Variants in KCNMA1 observed in about 807,000 individuals in gnomAD.
KCNMA1 encodes the protein potassium calcium-activated channel subfamily M alpha 1.
Under a neutral mutation model 140.0 loss-of-function variants are expected in KCNMA1, and 29 were observed. The observed-to-expected ratio is 0.21, with a 90% CI of 0.15 to 0.28. KCNMA1 has a LOEUF of 0.28. Ranked by LOEUF, KCNMA1 falls within the 10% of genes least tolerant of loss-of-function variation. The pLI, the probability that KCNMA1 is intolerant of heterozygous loss-of-function variation, is 1.00. For synonymous variants in KCNMA1, 612 were observed against 611.9 expected (o/e 1.00, Z 0.00); for missense variants, 880 against 1,602.2 (o/e 0.55, Z 7.70).
chr10:77,362,365 C>CCACA (rs138917552), intron 2 of KCNMA1, among the ~76,000 whole-genome samples: 18,565 of 118,844 alleles, frequency 0.16, 1,600 homozygotes, highest in East Asian at 0.3. Flanking sequence ...CCCCCCCACC[C>CCACA]CACACACACA....
At position 77,137,407 on chromosome 10, in the gene KCNMA1, A is replaced by G. The variant is rs149121650; in HGVS notation, c.809-16359T>C. On this transcript the variant is annotated intron_variant, in intron 5 of 27. Coordinates refer to ENST00000286628, the MANE Select transcript of KCNMA1 (RefSeq NM_001161352.2). ...AGAGCAATTATTTTTGTGGTGTCTG[A>G]CAAGGTCATTGTTATCTGGCCTTGC... is the stretch of plus-strand genomic sequence containing the variant. 3.9e-5 allele frequency among the ~76,000 whole-genome samples: 6 copies of G among 152,316 alleles called. No individual in the cohort carries two copies. The East Asian group carries it at 1.2e-3, about 29-fold the overall frequency.
At chr10:76,923,469 G>C (rs574629151) in intron 23 of KCNMA1, among the ~76,000 whole-genome samples, 1 of 151,960 alleles carries the variant, frequency 6.6e-6, no homozygotes, top group South Asian at 2.1e-4. Flanking sequence ...CGCTTAAAGA[G>C]CTTACTGTGT....
intron 25 of KCNMA1, chr10:76,903,517 C>T (rs2046461795): frequency 6.6e-6 from 1 of 152,126 alleles, no homozygotes; most frequent in African/African-American, 2.4e-5. Flanking sequence ...CAGCAGTGGT[C>T]TGTCCTGAGT....
chr10:76,930,908 G>C (rs2059112719), intron 23 of KCNMA1, among the ~76,000 whole-genome samples: 1 of 152,142 alleles, frequency 6.6e-6, no homozygotes, highest in South Asian at 2.1e-4. Context: ...AATACTGTAT[G>C]ATCTCACTTA....
intron 5 of KCNMA1, among the ~76,000 whole-genome samples, chr10:77,156,212 A>G (rs893261639): frequency 7.0e-6 from 1 of 142,380 alleles, no homozygotes; most frequent in Non-Finnish European, 1.5e-5. Context: ...TGGGTGACAG[A>G]GCGAGACTCC....
intron 20 of KCNMA1, among the ~76,000 whole-genome samples, chr10:76,958,982 AG>A (rs1326043828): frequency 1.3e-5 from 2 of 152,006 alleles, no homozygotes; most frequent in East Asian, 1.9e-4. Flanking sequence ...TGTCCATTTA[AG>A]GGGGGGAAAA....
chr10:77,328,195 C>T (rs143564353), intron 2 of KCNMA1, among the ~76,000 whole-genome samples: 44 of 152,292 alleles, frequency 2.9e-4, no homozygotes, highest in Admixed American at 1.4e-3. Flanking sequence ...CAGTACTTGG[C>T]GCACAGTAAG....
chr10:76,969,406 T>G (rs2075332579), intron 20 of KCNMA1, among the ~76,000 whole-genome samples: 1 of 152,208 alleles, frequency 6.6e-6, no homozygotes, highest in African/African-American at 2.4e-5. Flanking sequence ...AGAACTGGAT[T>G]ACTTTTGAAC....
At chr10:76,923,850 A>G (rs1042447600) in intron 23 of KCNMA1, among the ~76,000 whole-genome samples, 1 of 151,902 alleles carries the variant, frequency 6.6e-6, no homozygotes, top group Non-Finnish European at 1.5e-5. Flanking sequence ...AACAAACACA[A>G]AAAAATTAGC....
chr10:77,489,977 C>T (rs1312972491), intron 1 of KCNMA1, among the ~76,000 whole-genome samples: 1 of 152,202 alleles, frequency 6.6e-6, no homozygotes, highest in Non-Finnish European at 1.5e-5. Flanking sequence ...AGTTTCTCAA[C>T]CCCGGCACTG....
chr10:77,460,819 T>A (rs2097852944), intron 1 of KCNMA1, among the ~76,000 whole-genome samples: 2 of 152,022 alleles, frequency 1.3e-5, no homozygotes, highest in Non-Finnish European at 2.9e-5. Context: ...AAAAATTACC[T>A]ATTGGGCTGG....
intron 18 of KCNMA1, among the ~76,000 whole-genome samples, chr10:77,002,574 A>G (rs1211821375): frequency 6.6e-6 from 1 of 152,232 alleles, no homozygotes; most frequent in Non-Finnish European, 1.5e-5. Context: ...TGCAATTTGC[A>G]TGCAGCATTG....
intron 25 of KCNMA1, among the ~76,000 whole-genome samples, chr10:76,895,824 T>A (rs1001400560): frequency 1.3e-5 from 2 of 152,154 alleles, no homozygotes; most frequent in Admixed American, 1.3e-4. Flanking sequence ...GCGGGTTCCA[T>A]GATGCCCCCT....
intron 23 of KCNMA1, among the ~76,000 whole-genome samples, chr10:76,943,182 C>T (rs779912927): frequency 6.6e-6 from 1 of 152,194 alleles, no homozygotes; most frequent in East Asian, 1.9e-4. Context: ...CTGTGCTACC[C>T]GGGCAGGCCG....
chr10:77,385,613 A>G (rs936800547), intron 2 of KCNMA1, among the ~76,000 whole-genome samples: 1 of 152,246 alleles, frequency 6.6e-6, no homozygotes, highest in East Asian at 1.9e-4. Context: ...TCACAAGTGT[A>G]TGCGAATACT....
At chr10:77,599,747 A>G (rs2619633) in intron 1 of KCNMA1, among the ~76,000 whole-genome samples, 152,251 of 152,256 alleles carry the variant, frequency 1, 76,123 homozygotes, top group Middle Eastern at 1. Context: ...AGAGGTCTGC[A>G]AAACAAGGGG....
chr10:77,637,755 C>G lies in KCNMA1; in HGVS notation c.-113G>C. ...CTGCTACTGCTGCCGCCGCCGCCGC[C>G]GCCGCGGAGCGCGGGAGGGGGGCGG... On this transcript the variant is annotated 5_prime_UTR_variant, in exon 1 of 28. Transcript: ENST00000286628. The G allele has an allele frequency of 7.6e-7, 1 of 1,308,636 alleles. No homozygotes were observed. Among genetic ancestry groups the G allele is most frequent in the Non-Finnish European group, 9.6e-7 (1 of 1,041,416 alleles). 81.1% of individuals were successfully genotyped at this position (1,308,636 alleles called of 1,614,324 possible). A position where few individuals can be genotyped will look rare whatever the true frequency, so the allele number is the denominator to read the frequency against.
intron 2 of KCNMA1, among the ~76,000 whole-genome samples, chr10:77,331,393 A>G (rs2086364043): frequency 6.6e-6 from 1 of 152,238 alleles, no homozygotes; most frequent in Non-Finnish European, 1.5e-5. Context: ...ATCCACTTCC[A>G]TAAACAACCA....
chr10:77,238,867 T>C (rs1444379580), intron 3 of KCNMA1, among the ~76,000 whole-genome samples: 1 of 152,142 alleles, frequency 6.6e-6, no homozygotes, highest in Non-Finnish European at 1.5e-5. Context: ...TTCATCCAAT[T>C]CCCAAATGGG....
Sources: allele counts gnomAD v4.1 joint callset (sites outside exome capture counted in the v4.1 genomes callset), GRCh38; gene constraint gnomAD v4.1.1; transcripts MANE v1.5; gene names NCBI Gene and HGNC (gene_info 2026-07-23, HGNC 2026-07-21).